Variants in PEX14 observed in about 807,000 individuals in gnomAD.
PEX14 encodes peroxisomal biogenesis factor 14, also known as peroxisomal membrane protein PEX14.
PEX14 carries 15 observed loss-of-function variants against 49.5 expected under a neutral mutation model. That is an observed-to-expected ratio of 0.30 (90% CI 0.20 to 0.47). The LOEUF (loss-of-function observed/expected upper bound fraction) is 0.47. PEX14 is among the 20% of genes least tolerant of loss of function. The pLI, the probability that PEX14 is intolerant of heterozygous loss-of-function variation, is 1.00. For synonymous variants in PEX14, 210 were observed against 212.7 expected (o/e 0.99, Z 0.11); for missense variants, 398 against 494.8 (o/e 0.80, Z 1.86).
chr1:10,598,140 G>A (rs936113564), intron 3 of PEX14, among the ~76,000 whole-genome samples: 6 of 152,128 alleles, frequency 3.9e-5, no homozygotes, highest in East Asian at 1.9e-4. Context: ...TCTGTGTTGC[G>A]GCTCGCTTGG....
intron 2 of PEX14, among the ~76,000 whole-genome samples, chr1:10,500,096 C>A (rs1373748032): frequency 6.6e-6 from 1 of 151,934 alleles, no homozygotes; most frequent in Non-Finnish European, 1.5e-5. Context: ...ATTCAGGGAG[C>A]CAGTACTGTG....
chr1:10,594,850 G>C (rs969127055), intron 3 of PEX14, among the ~76,000 whole-genome samples: 1 of 152,130 alleles, frequency 6.6e-6, no homozygotes, highest in Non-Finnish European at 1.5e-5. Context: ...AGCTCACAGA[G>C]TCAATCAGTT....
intron 1 of PEX14, among the ~76,000 whole-genome samples, chr1:10,487,939 C>G (rs1243234308): frequency 6.6e-6 from 1 of 151,794 alleles, no homozygotes; most frequent in African/African-American, 2.4e-5. Flanking sequence ...TGTTACCACA[C>G]CTGGCTAATT....
chr1:10,600,423 A>G lies in PEX14; in HGVS notation c.298+1057A>G, dbSNP rs114664713. On this transcript the variant is annotated intron_variant, in intron 4 of 8. Transcript: ENST00000356607. ...GCAACAAGAGCGAAACTCTGCCTCA[A>G]AAAAACAAACAGGCAGGGTGCAGTG... is the stretch of plus-strand genomic sequence containing the variant. Among the ~76,000 whole-genome samples the G allele has an allele frequency of 9.5e-3, 1,446 of 152,114 alleles. 29 individuals carry two copies. Among genetic ancestry groups the G allele is most frequent in the African/African-American group, 0.033 (1,363 of 41,460 alleles).
chr1:10,486,455 G>A (rs1641369637), intron 1 of PEX14, among the ~76,000 whole-genome samples: 1 of 151,572 alleles, frequency 6.6e-6, no homozygotes, highest in African/African-American at 2.4e-5. Flanking sequence ...TGAAGCAGGA[G>A]GACTGCTTGA....
intron 7 of PEX14, 65 bp from the exon 8 acceptor site, chr1:10,627,204 CCTG>C: frequency 9.4e-7 from 1 of 1,064,512 alleles, no homozygotes; most frequent in Non-Finnish European, 1.5e-6. Context: ...CCCAGGTCCT[CCTG>C]CAGCCGCAGG....
chr1:10,492,561 ATATACT>A (rs2124396688), intron 1 of PEX14, among the ~76,000 whole-genome samples: 1 of 152,332 alleles, frequency 6.6e-6, no homozygotes, highest in East Asian at 1.9e-4. Context: ...CAGTAATTTG[ATATACT>A]TATTGTGAGA....
chr1:10,514,860 A>G lies in PEX14; in HGVS notation c.84+19539A>G, dbSNP rs1301194064. ...TTCTGCTATCACCTGCAGTGCATCTAGATGAGAACTTCTGTGTGCAGAAAA... is the reference window on the plus strand; with the variant it reads ...TTCTGCTATCACCTGCAGTGCATCTGGATGAGAACTTCTGTGTGCAGAAAA... On this transcript the variant is annotated intron_variant, in intron 2 of 8. Coordinates refer to ENST00000356607, the MANE Select transcript of PEX14 (RefSeq NM_004565.3). The surrounding 1 kb of genome is among the most constrained non-coding windows in gnomAD (Gnocchi z 4.4). 2.0e-5 allele frequency among the ~76,000 whole-genome samples: 3 copies of G among 152,238 alleles called. No homozygotes were observed. The highest frequency in any genetic ancestry group is 4.4e-5 in the Non-Finnish European group (3 of 68,038).
intron 5 of PEX14, among the ~76,000 whole-genome samples, chr1:10,621,243 C>T (rs188345008): frequency 2.6e-5 from 4 of 150,994 alleles, no homozygotes; most frequent in African/African-American, 7.3e-5. Context: ...TTTATAAGCA[C>T]GTGAAGACTT....
chr1:10,537,351 C>CCCT lies in PEX14; in HGVS notation c.169+1056_169+1057insTCC, dbSNP rs1312415241. On this transcript the variant is annotated intron_variant, in intron 3 of 8. Transcript: ENST00000356607. ...CTGCATTGTGCCAGCACCCCCCCCC[C>CCCT]CCGCCATCATTAGGAGATTATTAAA... is the stretch of plus-strand genomic sequence containing the variant. Among the ~76,000 whole-genome samples, 12 of 96,514 alleles carry CCCT rather than the reference C, an allele frequency of 1.2e-4. 1 individual carries two copies. Among genetic ancestry groups the CCCT allele is most frequent in the African/African-American group, 4.6e-4 (12 of 26,072 alleles). The allele number at this position is 96,514 out of a possible 152,430, so 63.3% of individuals were successfully genotyped here.
intron 2 of PEX14, among the ~76,000 whole-genome samples, chr1:10,509,468 AT>A (rs1393010075): frequency 1.6e-4 from 24 of 152,182 alleles, no homozygotes; most frequent in Non-Finnish European, 3.1e-4. Flanking sequence ...TTTGTAAGGC[AT>A]TTTATTTCTT....
At chr1:10,502,535 A>G (rs906798199) in intron 2 of PEX14, among the ~76,000 whole-genome samples, 4 of 152,228 alleles carry the variant, frequency 2.6e-5, no homozygotes, top group Non-Finnish European at 5.9e-5. Flanking sequence ...TTTTACAAAT[A>G]ATTATTAGAT....
At chr1:10,550,572 A>T (rs1639305090) in intron 3 of PEX14, among the ~76,000 whole-genome samples, 1 of 152,254 alleles carries the variant, frequency 6.6e-6, no homozygotes, top group Non-Finnish European at 1.5e-5. Flanking sequence ...CAAGCCTGAG[A>T]TGATACGGTA....
At chr1:10,590,220 C>T (rs1016550621) in intron 3 of PEX14, among the ~76,000 whole-genome samples, 2 of 152,120 alleles carry the variant, frequency 1.3e-5, no homozygotes, top group African/African-American at 4.8e-5. Flanking sequence ...GAACCGTGAG[C>T]CTGCAAACAA....
intron 3 of PEX14, among the ~76,000 whole-genome samples, chr1:10,582,747 G>A (rs1640358720): frequency 6.6e-6 from 1 of 152,048 alleles, no homozygotes; most frequent in South Asian, 2.1e-4. Context: ...GTTTGGTTTG[G>A]TTTTGAGATG....
intron 3 of PEX14, among the ~76,000 whole-genome samples, chr1:10,586,285 C>T (rs1376235418): frequency 1.3e-5 from 2 of 152,128 alleles, no homozygotes; most frequent in African/African-American, 4.8e-5. Context: ...TTCACACCCA[C>T]CAGAATGACT....
intron 3 of PEX14, among the ~76,000 whole-genome samples, chr1:10,559,628 C>T (rs1639591227): frequency 6.6e-6 from 1 of 152,150 alleles, no homozygotes; most frequent in South Asian, 2.1e-4. Context: ...CCCACCACCA[C>T]CCAACGGTGT....
chr1:10,573,426 G>T (rs1030413018), intron 3 of PEX14, among the ~76,000 whole-genome samples: 1 of 152,058 alleles, frequency 6.6e-6, no homozygotes, highest in African/African-American at 2.4e-5. Context: ...TCTTAAAAAA[G>T]GGTGTACAAA....
At position 10,556,910 on chromosome 1, in the gene PEX14, T is replaced by C. The variant is rs139435772; in HGVS notation, c.169+20613T>C. The stretch of plus-strand genomic sequence containing the variant: ...GAGGCACCTGGAAGAATCTGTGACT[T>C]GGGCCAGAGGGAGGGCACAAATCTG... On this transcript the variant is annotated intron_variant, in intron 3 of 8. Transcript: ENST00000356607. Among the ~76,000 whole-genome samples the C allele has an allele frequency of 1.8e-4, 28 of 152,146 alleles. No homozygotes were observed. The East Asian group carries it at 5.4e-3, about 30-fold the overall frequency.
Sources: gnomAD v4.1 joint callset for allele counts (sites outside exome capture counted in the v4.1 genomes callset) on GRCh38, gnomAD v4.1.1 for gene constraint, Gnocchi (gnomAD v3.1) non-coding constraint, MANE v1.5 for transcripts, NCBI Gene and HGNC (gene_info 2026-07-23, HGNC 2026-07-21) for gene names.